Variants in ZNF581 observed in about 807,000 individuals in gnomAD.
ZNF581 encodes zinc finger protein 581.
In ZNF581, 1 loss-of-function variant was observed where a neutral mutation model predicts 1.2. That is an observed-to-expected ratio of 0.83 (90% confidence interval 0.30 to 3.95). The LOEUF is 3.95. Among genes scored for constraint, ZNF581 ranks in the 30% most tolerant of loss-of-function variants. The pLI is 0.18. For synonymous variants in ZNF581, 105 were observed against 109.2 expected (o/e 0.96, Z 0.24); for missense variants, 273 against 274.6 (o/e 0.99, Z 0.04).
chr19:55,638,369 G>A (rs1451319360), upstream of ZNF581, among the ~76,000 whole-genome samples: 5 of 152,132 alleles, frequency 3.3e-5, no homozygotes, highest in Non-Finnish European at 7.3e-5. Context: ...CTCCCAAGTA[G>A]CTGGGACTAC....
At chr19:55,642,377 G>GA (rs1982559568), upstream of ZNF581, 1 of 1,299,040 alleles carries the variant, frequency 7.7e-7, no homozygotes, top group Non-Finnish European at 9.8e-7. Context: ...TTTTGCTAGG[G>GA]AGGTAGTCAG....
Position 55,644,889 on chromosome 19 carries a change from C to A in ZNF581, c.318C>A (p.Ser106Arg). The change falls in exon 2 of 2, where the codon AGC becomes AGA. Residue 106 changes from serine to arginine, a missense_variant. Physicochemically the swap from Ser to Arg is moderately radical, Grantham distance 110. Transcript: ENST00000270451. The surrounding 1 kb of genome is among the most constrained non-coding windows in gnomAD (Gnocchi z 4.3). Reference protein sequence around the residue: ...FEYMSYLQRHSITHSEVKPFE... With the variant: ...FEYMSYLQRHRITHSEVKPFE... ...ACATGTCCTACCTTCAGCGACACAGCATCACCCACTCGGAGGTAAAGCCCT... is the reference window on the plus strand; with the variant it reads ...ACATGTCCTACCTTCAGCGACACAGAATCACCCACTCGGAGGTAAAGCCCT... 6.2e-7 allele frequency: 1 copy of A among 1,614,018 alleles called. No individual in the cohort carries two copies. Among genetic ancestry groups the A allele is most frequent in the South Asian group, 1.1e-5 (1 of 91,086 alleles).
chr19:55,638,872 G>A (rs994036667), upstream of ZNF581, among the ~76,000 whole-genome samples: 2 of 151,914 alleles, frequency 1.3e-5, no homozygotes, highest in Non-Finnish European at 2.9e-5. Context: ...GGGCGTGGTA[G>A]TGCATACCTG....
rs73062519 is a variant in ZNF581, at chr19:55,644,002, G to A, written c.-20+228G>A. On this transcript the variant is annotated intron_variant, in intron 1 of 1. Coordinates refer to ENST00000270451, the MANE Select transcript of ZNF581 (RefSeq NM_016535.4). This position sits in a 1 kb window ranked among gnomAD's most constrained non-coding sequence, Gnocchi z 4.3. ...ACCTAGAACGAGCCTGGTGGAGGCCGGGCGAGGACTAGAGAGAACCTGAGG... is the reference window on the plus strand; with the variant it reads ...ACCTAGAACGAGCCTGGTGGAGGCCAGGCGAGGACTAGAGAGAACCTGAGG... Among the ~76,000 whole-genome samples, 7 of 152,214 alleles carry A rather than the reference G, an allele frequency of 4.6e-5. No individual in the cohort carries two copies. Among genetic ancestry groups the A allele is most frequent in the Admixed American group, 3.3e-4 (5 of 15,284 alleles).
chr19:55,639,997 A>T, upstream of ZNF581: 1 of 313,964 alleles, frequency 3.2e-6, no homozygotes, highest in Non-Finnish European at 4.6e-6. Flanking sequence ...CCACGTGGCT[A>T]GTGACTGTCA....
upstream of ZNF581, chr19:55,641,035 C>A (rs960094302): frequency 7.1e-6 from 7 of 985,202 alleles, no homozygotes; most frequent in African/African-American, 8.7e-5. Flanking sequence ...ACCCCTCGCA[C>A]CCCCGCGCCC....
At chr19:55,643,228 G>A, upstream of ZNF581, 1 of 944,220 alleles carries the variant, frequency 1.1e-6, no homozygotes, top group Non-Finnish European at 1.4e-6. Context: ...GACCAAAGTC[G>A]TTGCCCCTCC....
upstream of ZNF581, chr19:55,642,393 C>T (rs1982561766): frequency 7.6e-7 from 1 of 1,321,338 alleles, no homozygotes. Flanking sequence ...GTCAGTGGCG[C>T]ACAAAGGGTA....
upstream of ZNF581, chr19:55,640,909 C>T: frequency 2.0e-6 from 2 of 985,332 alleles, no homozygotes; most frequent in Non-Finnish European, 2.4e-6. Flanking sequence ...CCTCCGGTCC[C>T]CTCCCCGCAG....
upstream of ZNF581, chr19:55,640,125 G>T: frequency 1.0e-6 from 1 of 985,450 alleles, no homozygotes; most frequent in Non-Finnish European, 1.2e-6. Flanking sequence ...CCCACTCTCA[G>T]CTGCACCTGC....
upstream of ZNF581, chr19:55,640,732 CG>C: frequency 1.0e-6 from 1 of 985,494 alleles, no homozygotes. Flanking sequence ...CAGGCAGCGA[CG>C]GCCCAGTGGA....
chr19:55,644,753 T>C lies in ZNF581; in HGVS notation c.182T>C (p.Val61Ala). ...NHYLLIDTQG[V>A]PYTVLVDEES... Reference sequence around the variant, plus strand: ...TACCTGCTTATTGACACTCAGGGTGTCCCCTACACAGTGCTGGTGGACGAG... The same window carrying C: ...TACCTGCTTATTGACACTCAGGGTGCCCCCTACACAGTGCTGGTGGACGAG... The change falls in exon 2 of 2, where the codon GTC becomes GCC. Residue 61 changes from valine (V) to alanine (A), a missense_variant. By Grantham distance (64) the Val-to-Ala change is moderately conservative. Transcript: ENST00000270451. The surrounding 1 kb of genome is among the most constrained non-coding windows in gnomAD (Gnocchi z 4.3). The C allele has an allele frequency of 6.2e-7, 1 of 1,614,024 alleles. No individual in the cohort carries two copies. Among genetic ancestry groups the C allele is most frequent in the Non-Finnish European group, 8.5e-7 (1 of 1,179,954 alleles).
At chr19:55,636,407 T>C (rs1982092228), upstream of ZNF581, among the ~76,000 whole-genome samples, 1 of 152,002 alleles carries the variant, frequency 6.6e-6, no homozygotes, top group East Asian at 1.9e-4. Context: ...AAGAATTTTG[T>C]CTAGATGGTG....
upstream of ZNF581, chr19:55,641,318 G>A: frequency 1.7e-6 from 1 of 587,470 alleles, no homozygotes; most frequent in South Asian, 7.4e-5. Context: ...AGGGACGGGA[G>A]GGGAAGTCGA....
At position 55,645,486 on chromosome 19, in the gene ZNF581, G is replaced by A. The variant is rs1478626180; in HGVS notation, c.*321G>A. On this transcript the variant is annotated 3_prime_UTR_variant, in exon 2 of 2. Transcript: ENST00000270451. The stretch of plus-strand genomic sequence containing the variant: ...TGTAAAGTCTCTGGCCTCATAAAAG[G>A]TGGCTGTGGGTCGTCAGGAATCTGC... The A allele has an allele frequency of 7.6e-6, 2 of 264,028 alleles. No individual in the cohort carries two copies. Among genetic ancestry groups the A allele is most frequent in the East Asian group, 7.2e-5 (1 of 13,908 alleles). 16.4% of individuals were successfully genotyped at this position (264,028 alleles called of 1,614,324 possible). A position where few individuals can be genotyped will look rare whatever the true frequency, so the allele number is the denominator to read the frequency against.
In ZNF581 at chr19:55,645,098, C is replaced by A. The variant is rs996803869; in HGVS notation, c.527C>A (p.Pro176Gln). 6 of 1,544,130 alleles carry A rather than the reference C, an allele frequency of 3.9e-6. No homozygotes were observed. The African/African-American group carries it at 6.8e-5, about 18-fold the overall frequency. The change falls in exon 2 of 2, where the codon CCA (proline) becomes CAA (glutamine). Residue 176 changes from proline (P) to glutamine (Q), a missense_variant. Pro to Gln is a moderately conservative substitution (Grantham distance 76, BLOSUM62 -1). Coordinates refer to ENST00000270451, the MANE Select transcript of ZNF581 (RefSeq NM_016535.4). The part of the protein sequence containing the change: ...VHSGERPFQC[P>Q]HCPRRFMEQN... ...TCTGGGGAACGCCCGTTTCAGTGTC[C>A]ACACTGCCCTCGCCGCTTTATGGAG...
At chr19:55,635,556 C>T in exon 1 of ZNF581, 1 of 564,618 alleles carries the variant, frequency 1.8e-6, no homozygotes. Flanking sequence ...ATCTGATTGC[C>T]AGCCTCGCTG....
At chr19:55,641,357 G>C (rs1214813374), upstream of ZNF581, among the ~76,000 whole-genome samples, 1 of 152,216 alleles carries the variant, frequency 6.6e-6, no homozygotes, top group Non-Finnish European at 1.5e-5. Flanking sequence ...GGAAGTGAAG[G>C]CAATAGGAGG....
rs1982749634 is a variant in ZNF581 at position 55,644,748 on chromosome 19, G to A, written c.177G>A (p.Gln59=). The A allele has an allele frequency of 1.9e-6, 3 of 1,614,006 alleles. No homozygotes were observed. The highest frequency in any genetic ancestry group is 2.7e-5 in the African/African-American group (2 of 74,938). The change falls in exon 2 of 2, where the codon CAG becomes CAA. Residue 59 remains glutamine, a synonymous_variant. Transcript: ENST00000270451. The surrounding 1 kb of genome is among the most constrained non-coding windows in gnomAD (Gnocchi z 4.3). ...ACCACTACCTGCTTATTGACACTCA[G>A]GGTGTCCCCTACACAGTGCTGGTGG... ...RPNHYLLIDT[Q]GVPYTVLVDE... is the part of the protein sequence containing the mutation.
Sources: gnomAD v4.1 joint callset for allele counts (sites outside exome capture counted in the v4.1 genomes callset) on GRCh38, gnomAD v4.1.1 for gene constraint, Gnocchi (gnomAD v3.1) non-coding constraint, MANE v1.5 for transcripts, NCBI Gene and HGNC (gene_info 2026-07-23, HGNC 2026-07-21) for gene names.